Variants in GPHN observed in about 807,000 individuals in gnomAD.
The protein encoded by GPHN is gephyrin.
In GPHN, 17 loss-of-function variants were observed where a neutral mutation model predicts 95.5. The observed-to-expected ratio is 0.18, with a 90% confidence interval of 0.12 to 0.27. The LOEUF is 0.27. GPHN is among the 10% of genes least tolerant of loss of function. The pLI is 1.00. For missense variants in GPHN, 660 were observed against 978.1 expected (o/e 0.67, Z 4.34); for synonymous variants, 320 against 322.5 (o/e 0.99, Z 0.08).
chr14:67,344,363 TTTC>T, the GPHN span, among the ~76,000 whole-genome samples: 1 of 152,206 alleles, frequency 6.6e-6, no homozygotes, highest in Admixed American at 6.5e-5. Flanking sequence ...TATCAAATCA[TTTC>T]TGCTTCAACA....
At chr14:67,733,638 C>A in the GPHN span, 5 of 739,394 alleles carry the variant, frequency 6.8e-6, no homozygotes, top group African/African-American at 5.3e-5. Flanking sequence ...TTGAGTCTGG[C>A]ATATATTGTA....
At chr14:66,647,088 T>G (rs1473275305) in intron 1 of GPHN, among the ~76,000 whole-genome samples, 1 of 139,874 alleles carries the variant, frequency 7.1e-6, no homozygotes, top group Admixed American at 7.2e-5. Context: ...TATTTTTTTT[T>G]AAAGTCAGGG....
chr14:67,064,641 T>G (rs2075970009), intron 11 of GPHN, among the ~76,000 whole-genome samples: 1 of 152,216 alleles, frequency 6.6e-6, no homozygotes, highest in African/African-American at 2.4e-5. Flanking sequence ...GAGATTCAAC[T>G]TCTTCCTGCT....
the GPHN span, among the ~76,000 whole-genome samples, chr14:67,525,915 C>T: frequency 2.0e-5 from 3 of 152,182 alleles, no homozygotes; most frequent in Non-Finnish European, 2.9e-5. Flanking sequence ...CTGAGAGTTT[C>T]CCCAATGGCC....
chr14:66,915,797 T>C (rs1243212075), intron 5 of GPHN, among the ~76,000 whole-genome samples: 1 of 152,170 alleles, frequency 6.6e-6, no homozygotes, highest in African/African-American at 2.4e-5. Flanking sequence ...AGTACATTTT[T>C]TCCAATTTGC....
the GPHN span, among the ~76,000 whole-genome samples, chr14:67,439,788 GC>G: frequency 6.6e-6 from 1 of 151,850 alleles, no homozygotes; most frequent in Admixed American, 6.6e-5. Flanking sequence ...TGTTCTTTAT[GC>G]TTTTAGTGTT....
At chr14:67,054,076 A>C (rs2075437007) in intron 10 of GPHN, among the ~76,000 whole-genome samples, 1 of 152,058 alleles carries the variant, frequency 6.6e-6, no homozygotes, top group African/African-American at 2.4e-5. Flanking sequence ...TTCTCTCACC[A>C]CTCCTATTCA....
intron 2 of GPHN, among the ~76,000 whole-genome samples, chr14:66,762,090 C>T (rs148206353): frequency 0.012 from 1,831 of 150,602 alleles, 19 homozygotes; most frequent in Non-Finnish European, 0.018. Context: ...TTTATGGGTA[C>T]GCCATCTGTT....
the GPHN span, chr14:67,555,698 C>T: frequency 1.5e-6 from 2 of 1,362,590 alleles, no homozygotes; most frequent in Non-Finnish European, 2.0e-6. Flanking sequence ...ACTCTCGAGC[C>T]ACTTGAGATG....
At chr14:66,630,296 C>T (rs1047850955) in intron 1 of GPHN, among the ~76,000 whole-genome samples, 2 of 152,012 alleles carry the variant, frequency 1.3e-5, no homozygotes, top group Non-Finnish European at 2.9e-5. Context: ...AGAAGAAAGG[C>T]AGGTAATGTT....
chr14:66,681,030 TGTCTTTTGGTCA>T, intron 1 of GPHN, 65 bp from the exon 2 acceptor site: 2 of 812,540 alleles, frequency 2.5e-6, no homozygotes, highest in Non-Finnish European at 4.2e-6. Flanking sequence ...CATTTCAAAA[TGTCTTTTGGTCA>T]GCAATAGCTT....
chr14:66,901,599 C>T (rs1027562697), intron 5 of GPHN, among the ~76,000 whole-genome samples: 2 of 151,966 alleles, frequency 1.3e-5, no homozygotes, highest in African/African-American at 4.8e-5. Flanking sequence ...AGTGGATATC[C>T]AGTTTTCTCC....
the GPHN span, chr14:67,575,329 A>G: frequency 3.1e-6 from 3 of 967,940 alleles, no homozygotes; most frequent in African/African-American, 1.6e-5. Flanking sequence ...TCTATTTGCC[A>G]GTCCTGGATT....
intron 16 of GPHN, among the ~76,000 whole-genome samples, chr14:67,117,027 G>T (rs528544015): frequency 3.3e-4 from 50 of 152,172 alleles, no homozygotes; most frequent in Admixed American, 9.8e-4. Context: ...ATAATAACAA[G>T]AATTGAGTTT....
intron 1 of GPHN, among the ~76,000 whole-genome samples, chr14:66,671,062 C>T (rs1014368449): frequency 6.6e-6 from 1 of 152,154 alleles, no homozygotes; most frequent in Non-Finnish European, 1.5e-5. Flanking sequence ...TCCCTGTCAT[C>T]AAAATTAGTT....
chr14:67,127,531 A>T lies in GPHN; in HGVS notation c.1748+5154A>T, dbSNP rs142870889. Reference sequence around the variant, plus strand: ...TTGTGTACCTGTGAGTCGTCTGGAGATCTTATTGAAAATGTTGATTATACT... The same window carrying T: ...TTGTGTACCTGTGAGTCGTCTGGAGTTCTTATTGAAAATGTTGATTATACT... On this transcript the variant is annotated intron_variant, in intron 17 of 22. Coordinates refer to ENST00000478722, the MANE Select transcript of GPHN (RefSeq NM_020806.5). Among the ~76,000 whole-genome samples, 1,478 of 152,262 alleles carry T rather than the reference A, an allele frequency of 9.7e-3. 25 individuals carry two copies. The highest frequency in any genetic ancestry group is 0.032 in the African/African-American group (1,342 of 41,544).
the GPHN span, chr14:67,642,427 C>A: frequency 6.5e-7 from 1 of 1,543,964 alleles, no homozygotes; most frequent in Non-Finnish European, 8.8e-7. Context: ...CATAACTTAG[C>A]TTCTTTATCT....
chr14:67,557,179 GCATCAGACGGTGTCC>G, the GPHN span: 1 of 1,028,238 alleles, frequency 9.7e-7, no homozygotes, highest in Non-Finnish European at 1.5e-6. Context: ...ACAGCCTGGG[GCATCAGACGGTGTCC>G]CATCCCACGT....
At chr14:67,275,479 T>A in the GPHN span, among the ~76,000 whole-genome samples, 1 of 152,162 alleles carries the variant, frequency 6.6e-6, no homozygotes, top group Non-Finnish European at 1.5e-5. Context: ...CCCATTTGAT[T>A]GTGGTGCATA....
Sources: gnomAD v4.1 joint callset for allele counts (sites outside exome capture counted in the v4.1 genomes callset) on GRCh38, gnomAD v4.1.1 for gene constraint, MANE v1.5 for transcripts, NCBI Gene and HGNC (gene_info 2026-07-23, HGNC 2026-07-21) for gene names.